APOL6: variants seen among roughly 807,000 people sequenced by gnomAD.
The protein encoded by APOL6 is apolipoprotein L, 6.
A neutral mutation model predicts 2.4 loss-of-function variants in APOL6; 1 was observed. The ratio of observed to expected loss-of-function variants is 0.41; its 90% CI spans 0.15 to 1.94. The LOEUF is 1.94. Ranked by LOEUF, APOL6 falls within the 30% of genes most tolerant of loss-of-function variation. APOL6 has a pLI of 0.30. For missense variants in APOL6, 438 were observed against 429.2 expected, an observed-to-expected ratio of 1.02 and a Z score of -0.18; for synonymous variants, 189 against 169.3, an observed-to-expected ratio of 1.12 and a Z score of -0.90.
chr22:35,654,540 C>CTATA (rs67523644), intron 1 of APOL6, among the ~76,000 whole-genome samples: 1 of 146,704 alleles, frequency 6.8e-6, no homozygotes, highest in Admixed American at 6.9e-5. Flanking sequence ...CTCTCTCTCT[C>CTATA]TATATATATA....
chr22:35,665,516 C>G lies in APOL6; in HGVS notation c.*5920C>G, dbSNP rs544732740. ...TCAGTTTCTCTATGAACTAATCATT[C>G]AAGTCAAAGGCACACTGATGCAAAA... On this transcript the variant is annotated 3_prime_UTR_variant, in exon 3 of 3. Transcript: ENST00000409652. The G allele has an allele frequency of 1.3e-4, 20 of 152,296 alleles. No individual in the cohort carries two copies. The highest frequency in any genetic ancestry group is 4.6e-4 in the Admixed American group (7 of 15,290). 9.4% of individuals were successfully genotyped at this position (152,296 alleles called of 1,614,324 possible).
chr22:35,659,166 CCAAG>C lies in APOL6; in HGVS notation c.604_607del (p.Lys202ValfsTer3). ...GCCAACCCACGCTTGGCCAATGCTA[CCAAG>C]CGTCTTCTGACCACTGGCCAAGTCT... On this transcript the variant is annotated frameshift_variant, in exon 3 of 3. Transcript: ENST00000409652. LOFTEE classifies it low-confidence loss of function (END_TRUNC). The C allele has an allele frequency of 6.2e-7, 1 of 1,614,224 alleles. No homozygotes were observed. The highest frequency in any genetic ancestry group is 8.5e-7 in the Non-Finnish European group (1 of 1,180,050).
intron 1 of APOL6, among the ~76,000 whole-genome samples, chr22:35,655,399 C>T (rs1040186717): frequency 2.0e-5 from 3 of 152,110 alleles, no homozygotes; most frequent in Non-Finnish European, 2.9e-5. Flanking sequence ...TCAATAATCG[C>T]ACTACCCGAG....
chr22:35,650,596 G>C (rs777630597), intron 1 of APOL6, among the ~76,000 whole-genome samples: 1 of 152,018 alleles, frequency 6.6e-6, no homozygotes, highest in South Asian at 2.1e-4. Context: ...GGCTATAAGT[G>C]AATGAATGAA....
intron 1 of APOL6, among the ~76,000 whole-genome samples, chr22:35,653,649 A>G (rs574061137): frequency 1.3e-5 from 2 of 152,296 alleles, no homozygotes; most frequent in East Asian, 3.9e-4. Flanking sequence ...AGAGAGGTGA[A>G]GGAAGGAGGC....
At position 35,665,609 on chromosome 22, in the gene APOL6, G is replaced by A. The variant is rs1028185664; in HGVS notation, c.*6013G>A. On this transcript the variant is annotated 3_prime_UTR_variant, in exon 3 of 3. Transcript: ENST00000409652. Reference sequence around the variant, plus strand: ...AAGCATTAACCAACTCCTTCATAAAGGTTATAAAAGGCTTATGGAAGTTAT... The same window carrying A: ...AAGCATTAACCAACTCCTTCATAAAAGTTATAAAAGGCTTATGGAAGTTAT... The A allele has an allele frequency of 4.6e-5, 7 of 152,140 alleles. No homozygotes were observed. The highest frequency in any genetic ancestry group is 1.4e-4 in the African/African-American group (6 of 41,436). 9.4% of individuals were successfully genotyped at this position (152,140 alleles called of 1,614,324 possible).
chr22:35,659,094 C>A lies in APOL6; in HGVS notation c.530C>A (p.Thr177Asn), dbSNP rs184909665. 6.9e-5 allele frequency: 111 copies of A among 1,614,092 alleles called. 4 individuals carry two copies. The East Asian group carries it at 7.8e-4, about 11-fold the overall frequency. Residue 177 changes from threonine to asparagine, a missense_variant, in exon 3 of 3, where the codon ACC becomes AAC. By Grantham distance (65) the Thr-to-Asn change is moderately conservative. Coordinates refer to ENST00000409652, the MANE Select transcript of APOL6 (RefSeq NM_030641.4). ...AAGATTATCTATAATCTTAGAAACA[C>A]CTTGAAGTATGCCAAGAAAAACGTC... Reference protein sequence around the residue: ...AGKIIYNLRNTLKYAKKNVRA... With the variant: ...AGKIIYNLRNNLKYAKKNVRA...
rs1450661478 is a variant in APOL6, at chr22:35,665,358, A to T, written c.*5762A>T. ...ATCTTAAGGCCCCGTAGAAGATGCCAATCAAAATAAACTGCATTCCTGAGG... is the reference window on the plus strand; with the variant it reads ...ATCTTAAGGCCCCGTAGAAGATGCCTATCAAAATAAACTGCATTCCTGAGG... On this transcript the variant is annotated 3_prime_UTR_variant, in exon 3 of 3. Transcript: ENST00000409652. 6.6e-6 allele frequency: 1 copy of T among 152,216 alleles called. No individual in the cohort carries two copies. Among genetic ancestry groups the T allele is most frequent in the African/African-American group, 2.4e-5 (1 of 41,456 alleles). 9.4% of individuals were successfully genotyped at this position (152,216 alleles called of 1,614,324 possible).
In APOL6 at chr22:35,658,760, G is replaced by T; in HGVS notation, c.196G>T (p.Asp66Tyr). The T allele has an allele frequency of 1.9e-6, 3 of 1,614,130 alleles. No individual in the cohort carries two copies. The highest frequency in any genetic ancestry group is 2.5e-6 in the Non-Finnish European group (3 of 1,180,014). Residue 66 changes from aspartate to tyrosine, a missense_variant, in exon 3 of 3, where the codon GAT (aspartate) becomes TAT (tyrosine). Asp to Tyr is a radical substitution (Grantham distance 160, BLOSUM62 -3). Coordinates refer to ENST00000409652, the MANE Select transcript of APOL6 (RefSeq NM_030641.4). ...NIDKLRALAD[D>Y]IDKTHKKFTK... Reference sequence around the variant, plus strand: ...TGACAAGCTCCGTGCCCTCGCAGACGATATTGACAAAACCCACAAGAAATT... The same window carrying T: ...TGACAAGCTCCGTGCCCTCGCAGACTATATTGACAAAACCCACAAGAAATT...
chr22:35,650,141 A>C (rs906606464), intron 1 of APOL6, among the ~76,000 whole-genome samples: 4 of 152,178 alleles, frequency 2.6e-5, no homozygotes, highest in Non-Finnish European at 5.9e-5. Flanking sequence ...CACTGTGTAA[A>C]GCAGGTAGAT....
In APOL6 at chr22:35,660,846, A is replaced by G. The variant is rs1925003394; in HGVS notation, c.*1250A>G. On this transcript the variant is annotated 3_prime_UTR_variant, in exon 3 of 3. Coordinates refer to ENST00000409652, the MANE Select transcript of APOL6 (RefSeq NM_030641.4). ...ACCTACCAAAAGGCTCCACTTCTTT[A>G]TACTATTGGAGGGGTAGAAGGAACT... 6.6e-6 allele frequency: 1 copy of G among 152,266 alleles called. No homozygotes were observed. Among genetic ancestry groups the G allele is most frequent in the East Asian group, 1.9e-4 (1 of 5,198 alleles). The allele number at this position is 152,266 out of a possible 1,614,324, so 9.4% of individuals were successfully genotyped here.
In APOL6 at chr22:35,665,587, C is replaced by T. The variant is rs577764432; in HGVS notation, c.*5991C>T. The T allele has an allele frequency of 6.6e-6, 1 of 152,248 alleles. No homozygotes were observed. Among genetic ancestry groups the T allele is most frequent in the Non-Finnish European group, 1.5e-5 (1 of 68,016 alleles). 9.4% of individuals were successfully genotyped at this position (152,248 alleles called of 1,614,324 possible). A position where few individuals can be genotyped will look rare whatever the true frequency, so the allele number is the denominator to read the frequency against. The stretch of plus-strand genomic sequence containing the variant: ...TCTGATTAGCAAGGTTTTCTTGAAG[C>T]ATTAACCAACTCCTTCATAAAGGTT... On this transcript the variant is annotated 3_prime_UTR_variant, in exon 3 of 3. Transcript: ENST00000409652.
chr22:35,651,372 G>A (rs1357417741), intron 1 of APOL6, among the ~76,000 whole-genome samples: 6 of 152,158 alleles, frequency 3.9e-5, no homozygotes, highest in Admixed American at 1.3e-4. Flanking sequence ...CTTCTTTGCT[G>A]TGTCTCTCTC....
rs947507796 is a variant in APOL6, at chr22:35,653,631, C to T, written c.-47-2748C>T. On this transcript the variant is annotated intron_variant, in intron 1 of 2. Transcript: ENST00000409652. ...GGCAGAAGGCAGAAGGGCAAGAGGG[C>T]GTGTGCGAGAGAGGTGAAGGAAGGA... 4.6e-5 allele frequency among the ~76,000 whole-genome samples: 7 copies of T among 152,116 alleles called. No homozygotes were observed. The South Asian group carries it at 6.2e-4, about 14-fold the overall frequency.
Position 35,656,403 on chromosome 22 carries a change from C to A in APOL6, c.-23C>A. On this transcript the variant is annotated 5_prime_UTR_variant, in exon 2 of 3. Coordinates refer to ENST00000409652, the MANE Select transcript of APOL6 (RefSeq NM_030641.4). ...GAAAATCATTTGACTCCTGGGGACACAGATTTGCTGCCACAGAGGCTGATG... is the reference window on the plus strand; with the variant it reads ...GAAAATCATTTGACTCCTGGGGACAAAGATTTGCTGCCACAGAGGCTGATG... The A allele has an allele frequency of 6.2e-7, 1 of 1,614,024 alleles. No homozygotes were observed. The highest frequency in any genetic ancestry group is 8.5e-7 in the Non-Finnish European group (1 of 1,179,922).
Position 35,650,643 on chromosome 22 carries a change from T to C in APOL6, c.-48+2020T>C, listed in dbSNP as rs920695657. ...AAATGAATGGCTATAAAAATTTGTG[T>C]CCTGGGCTGGGCATGGTGGCTCATG... On this transcript the variant is annotated intron_variant, in intron 1 of 2. Transcript: ENST00000409652. Among the ~76,000 whole-genome samples, 36 of 152,182 alleles carry C rather than the reference T, an allele frequency of 2.4e-4. 1 individual carries two copies. Among genetic ancestry groups the C allele is most frequent in the African/African-American group, 8.0e-4 (33 of 41,452 alleles).
At position 35,658,933 on chromosome 22, in the gene APOL6, C is replaced by T; in HGVS notation, c.369C>T (p.Thr123=). 6.2e-7 allele frequency: 1 copy of T among 1,613,964 alleles called. No individual in the cohort carries two copies. Among genetic ancestry groups the T allele is most frequent in the Non-Finnish European group, 8.5e-7 (1 of 1,180,032 alleles). ...GTTTGGCAACAGCAGCTGGGGTCAC[C>T]AGCATCGTGAGTGGTACGTTGGAAC... ...GQGLATAAGV[T]SIVSGTLERS... The change falls in exon 3 of 3, where the codon ACC becomes ACT. Residue 123 remains threonine (T), a synonymous_variant. Coordinates refer to ENST00000409652, the MANE Select transcript of APOL6 (RefSeq NM_030641.4).
chr22:35,667,004 T>C lies in APOL6; in HGVS notation c.*7408T>C, dbSNP rs374119214. The C allele has an allele frequency of 2.6e-5, 4 of 152,154 alleles. No homozygotes were observed. The highest frequency in any genetic ancestry group is 9.7e-5 in the African/African-American group (4 of 41,392). The allele number at this position is 152,154 out of a possible 1,614,324, so 9.4% of individuals were successfully genotyped here. ...TGCAATAAGAATCTGTTCTAATTTG[T>C]AACAGGACACGATTGGAGAAATTGG... On this transcript the variant is annotated 3_prime_UTR_variant, in exon 3 of 3. Coordinates refer to ENST00000409652, the MANE Select transcript of APOL6 (RefSeq NM_030641.4).
At chr22:35,656,542 G>C (rs1231224799) in intron 2 of APOL6, 67 bp downstream of exon 2, 1 of 1,567,508 alleles carries the variant, frequency 6.4e-7, no homozygotes, top group Admixed American at 1.7e-5. Context: ...GCATCCTCAC[G>C]ATAAGGAATA....
Sources: gnomAD v4.1 joint callset for allele counts (sites outside exome capture counted in the v4.1 genomes callset) on GRCh38, gnomAD v4.1.1 for gene constraint, MANE v1.5 for transcripts, NCBI Gene and HGNC (gene_info 2026-07-23, HGNC 2026-07-21) for gene names.